The following TMCC1 variants were observed in gnomAD, a reference collection of about 807,000 sequenced individuals.
TMCC1 encodes transmembrane and coiled-coil domain family 1, also known as transmembrane and coiled-coil domains protein 1.
A neutral mutation model predicts 52.4 loss-of-function variants in TMCC1; 15 were observed. The observed-to-expected ratio is 0.29, with a 90% confidence interval of 0.19 to 0.44. The LOEUF is 0.44. TMCC1 is among the 20% of genes least tolerant of loss of function. TMCC1 has a pLI of 1.00. For synonymous variants in TMCC1, 279 were observed against 301.9 expected (o/e 0.92, Z 0.79); for missense variants, 503 against 806.0 (o/e 0.62, Z 4.55).
chr3:129,667,010 T>G (rs992745082), intron 5 of TMCC1, among the ~76,000 whole-genome samples: 6 of 151,624 alleles, frequency 4.0e-5, no homozygotes, highest in African/African-American at 1.5e-4. Flanking sequence ...CAAGCAATTC[T>G]CCTGCCTCAG....
chr3:129,881,393 G>C (rs1489156652), intron 1 of TMCC1, among the ~76,000 whole-genome samples: 1 of 152,096 alleles, frequency 6.6e-6, no homozygotes, highest in East Asian at 1.9e-4. Context: ...ATAAATATTT[G>C]TCTGCAGTCT....
At chr3:129,704,035 A>AAAAGAAAAG (rs1469259186) in intron 4 of TMCC1, among the ~76,000 whole-genome samples, 2 of 152,232 alleles carry the variant, frequency 1.3e-5, no homozygotes, top group African/African-American at 4.8e-5. Flanking sequence ...GAAAAGGCTT[A>AAAAGAAAAG]GCAGTACTTC....
In TMCC1 at chr3:129,727,895, C is replaced by T. The variant is rs184516211; in HGVS notation, c.577-56631G>A. ...AAGTTCTTGCAAATTGGGGATTATT[C>T]GAACTCAGCTGCCATGCTACAAAAA... On this transcript the variant is annotated intron_variant, in intron 4 of 6. Coordinates refer to ENST00000393238, the MANE Select transcript of TMCC1 (RefSeq NM_001017395.5). Among the ~76,000 whole-genome samples, 340 of 152,258 alleles carry T rather than the reference C, an allele frequency of 2.2e-3. 2 individuals are homozygous for T. The highest frequency in any genetic ancestry group is 3.4e-3 in the African/African-American group (141 of 41,544).
intron 2 of TMCC1, among the ~76,000 whole-genome samples, chr3:129,870,657 T>C (rs2060869658): frequency 7.8e-6 from 1 of 128,444 alleles, no homozygotes; most frequent in East Asian, 2.6e-4. Flanking sequence ...GAGAATGGCA[T>C]GAACCCAGGA....
At chr3:129,674,491 T>C (rs1456054866) in intron 4 of TMCC1, among the ~76,000 whole-genome samples, 2 of 149,096 alleles carry the variant, frequency 1.3e-5, no homozygotes, top group Non-Finnish European at 3.0e-5. Flanking sequence ...AGGGAGAAAA[T>C]GGGAAATAAG....
intron 5 of TMCC1, among the ~76,000 whole-genome samples, chr3:129,657,740 C>T (rs1428905158): frequency 6.6e-6 from 1 of 152,058 alleles, no homozygotes; most frequent in African/African-American, 2.4e-5. Context: ...AAATTATGAA[C>T]CTACAATTAA....
intron 1 of TMCC1, among the ~76,000 whole-genome samples, chr3:129,885,091 A>G (rs192524767): frequency 1.3e-5 from 2 of 151,954 alleles, no homozygotes; most frequent in East Asian, 3.9e-4. Context: ...GTGAGCTTTG[A>G]TTGCACCACT....
chr3:129,670,215 A>G (rs2087805771), intron 5 of TMCC1, 115 bp downstream of exon 5: 17 of 1,128,090 alleles, frequency 1.5e-5, no homozygotes, highest in Non-Finnish European at 2.1e-5. Context: ...TGACATACCG[A>G]AAGTGCTCTG....
intron 2 of TMCC1, among the ~76,000 whole-genome samples, chr3:129,872,715 G>T (rs1439054831): frequency 6.6e-6 from 1 of 152,060 alleles, no homozygotes; most frequent in African/African-American, 2.4e-5. Context: ...ATAAAGGTGA[G>T]GGGAAAAATG....
At chr3:129,761,990 CAA>C (rs1179793010) in intron 4 of TMCC1, among the ~76,000 whole-genome samples, 1 of 76,030 alleles carries the variant, frequency 1.3e-5, no homozygotes, top group Non-Finnish European at 2.2e-5. Context: ...GACTCTGTCT[CAA>C]AAAAAAAAAA....
intron 5 of TMCC1, among the ~76,000 whole-genome samples, chr3:129,660,528 T>C (rs1157754063): frequency 6.6e-6 from 1 of 152,222 alleles, no homozygotes; most frequent in Non-Finnish European, 1.5e-5. Context: ...AGTATATTTA[T>C]GATGTTTTTC....
At chr3:129,893,293 G>T (rs1196441095) in intron 1 of TMCC1, 1 of 152,434 alleles carries the variant, frequency 6.6e-6, no homozygotes, top group Admixed American at 6.5e-5. Context: ...GGGATGCTGG[G>T]GGTCGAGTCC....
At chr3:129,775,833 C>T (rs1057129092) in intron 4 of TMCC1, among the ~76,000 whole-genome samples, 23 of 152,162 alleles carry the variant, frequency 1.5e-4, no homozygotes, top group African/African-American at 5.1e-4. Flanking sequence ...CATACTGTAG[C>T]CAGACAGATC....
chr3:129,794,757 G>A (rs2056707754), intron 4 of TMCC1, among the ~76,000 whole-genome samples: 1 of 152,126 alleles, frequency 6.6e-6, no homozygotes, highest in Non-Finnish European at 1.5e-5. Flanking sequence ...GGGAGGAGGA[G>A]TGGTGTGCTG....
At chr3:129,750,822 G>A (rs1017998746) in intron 4 of TMCC1, among the ~76,000 whole-genome samples, 17 of 150,970 alleles carry the variant, frequency 1.1e-4, no homozygotes, top group African/African-American at 3.9e-4. Context: ...TGATCCACCC[G>A]CCACAGCCTC....
rs1433867865 is a variant in TMCC1 at position 129,648,450 on chromosome 3, T to C, written c.*3031A>G. On this transcript the variant is annotated 3_prime_UTR_variant, in exon 7 of 7. Transcript: ENST00000393238. ...AGTATAAAATTTAACCTACTTTTGC[T>C]TCTTAAGGAGCCAGTAGAGTGGAAA... is the stretch of plus-strand genomic sequence containing the variant. 6.6e-6 allele frequency: 1 copy of C among 152,242 alleles called. No homozygotes were observed. The highest frequency in any genetic ancestry group is 1.9e-4 in the East Asian group (1 of 5,202). The allele number at this position is 152,242 out of a possible 1,614,324, so 9.4% of individuals were successfully genotyped here.
intron 4 of TMCC1, among the ~76,000 whole-genome samples, chr3:129,772,038 T>C (rs1026527655): frequency 6.6e-6 from 1 of 152,168 alleles, no homozygotes; most frequent in African/African-American, 2.4e-5. Flanking sequence ...AAAATGTTAA[T>C]GCAAAAGATA....
chr3:129,708,816 G>A (rs906057543), intron 4 of TMCC1, among the ~76,000 whole-genome samples: 19 of 152,092 alleles, frequency 1.2e-4, no homozygotes, highest in Non-Finnish European at 2.2e-4. Context: ...TATCACAAAA[G>A]TCTCTGTTAA....
intron 4 of TMCC1, chr3:129,794,198 T>A (rs997664056): frequency 5.0e-6 from 2 of 400,588 alleles, no homozygotes; most frequent in Non-Finnish European, 9.7e-6. Flanking sequence ...AGGCAGTGCT[T>A]CCTCCCTCAG....
Sources: gnomAD v4.1 joint callset for allele counts (sites outside exome capture counted in the v4.1 genomes callset) on GRCh38, gnomAD v4.1.1 for gene constraint, MANE v1.5 for transcripts, NCBI Gene and HGNC (gene_info 2026-07-23, HGNC 2026-07-21) for gene names.